Variants in PHEX observed in about 807,000 individuals in gnomAD.
The protein encoded by PHEX is phosphate-regulating neutral endopeptidase PHEX.
A neutral mutation model predicts 68.0 loss-of-function variants in PHEX; 16 were observed. The observed-to-expected ratio is 0.24, with a 90% CI of 0.16 to 0.36. PHEX has a LOEUF of 0.36. PHEX is among the 10% of genes least tolerant of loss of function. The probability of loss-of-function intolerance (pLI) is 1.00; values close to 1 mark genes in which losing one functional copy is unlikely to be tolerated. For missense variants in PHEX, 480 were observed against 575.5 expected (o/e 0.83, Z 1.70); for synonymous variants, 208 against 205.1 (o/e 1.01, Z -0.12).
chrX:22,182,592 TTGTG>T (rs9331474), intron 14 of PHEX, among the ~76,000 whole-genome samples: 4,881 of 102,943 alleles, frequency 0.047, 236 homozygotes, highest in East Asian at 0.19. Context: ...TGAAGATGCT[TTGTG>T]TGTGTGTGTG....
chrX:22,151,058 T>G (rs961398456), intron 12 of PHEX, among the ~76,000 whole-genome samples: 6 of 112,063 alleles, frequency 5.4e-5, no homozygotes, highest in African/African-American at 1.9e-4. Flanking sequence ...TCATCTCTGG[T>G]GTTTTGTCTA....
intron 15 of PHEX, among the ~76,000 whole-genome samples, chrX:22,195,504 A>G (rs1288968860): frequency 9.1e-6 from 1 of 109,986 alleles, no homozygotes; most frequent in Non-Finnish European, 1.9e-5. Context: ...CTGAGGCAGG[A>G]GAATCACTTG....
intron 13 of PHEX, among the ~76,000 whole-genome samples, chrX:22,176,737 C>T (rs1368127486): frequency 1.8e-5 from 2 of 110,795 alleles, no homozygotes; most frequent in East Asian, 5.7e-4. Context: ...CAACAGCATA[C>T]AGTGTTGTTT....
intron 13 of PHEX, among the ~76,000 whole-genome samples, chrX:22,174,202 T>C (rs1419656072): frequency 4.5e-5 from 5 of 112,165 alleles, no homozygotes; most frequent in Non-Finnish European, 7.5e-5. Flanking sequence ...AGAGATGGAA[T>C]TGATTGAAAG....
chrX:22,117,072 G>A (rs1931266499), intron 11 of PHEX, among the ~76,000 whole-genome samples: 2 of 111,794 alleles, frequency 1.8e-5, no homozygotes, highest in Admixed American at 1.9e-4. Flanking sequence ...TCCAGAAGAA[G>A]GTCTTCAAGA....
chrX:22,193,032 T>A (rs1328446527), intron 15 of PHEX, among the ~76,000 whole-genome samples: 1 of 111,491 alleles, frequency 9.0e-6, no homozygotes, highest in Non-Finnish European at 1.9e-5. Context: ...ATATTTTGAA[T>A]GTCACTTCTT....
At chrX:22,173,106 G>T (rs971008505) in intron 13 of PHEX, 1 of 111,213 alleles carries the variant, frequency 9.0e-6, no homozygotes, top group African/African-American at 3.3e-5. Flanking sequence ...ATGCTAGAAT[G>T]CTGCAGAAAA....
intron 20 of PHEX, among the ~76,000 whole-genome samples, chrX:22,244,122 T>C (rs1412021730): frequency 1.8e-5 from 2 of 111,685 alleles, no homozygotes; most frequent in African/African-American, 3.3e-5. Context: ...AATGAGCTCA[T>C]GTTCTTTGCA....
At position 22,079,872 on chromosome X, in the gene PHEX, TA is replaced by T. The variant is rs914278157; in HGVS notation, c.663+2179del. ...AAGAAATAATAGGAAGCTATCTATT[TA>T]AAAAAAAATCCCTAAGGAAAGGATT... On this transcript the variant is annotated intron_variant, in intron 5 of 21. Coordinates refer to ENST00000379374, the MANE Select transcript of PHEX (RefSeq NM_000444.6). 1.7e-3 allele frequency among the ~76,000 whole-genome samples: 185 copies of T among 110,546 alleles called. 1 individual carries two copies. The highest frequency in any genetic ancestry group is 5.6e-3 in the African/African-American group (171 of 30,471).
intron 2 of PHEX, among the ~76,000 whole-genome samples, chrX:22,038,934 C>G (rs767582009): frequency 2.7e-5 from 3 of 111,768 alleles, no homozygotes; most frequent in African/African-American, 9.7e-5. Context: ...AAGCAAGGCT[C>G]CTTTGCAAAT....
intron 12 of PHEX, among the ~76,000 whole-genome samples, chrX:22,139,359 G>A (rs1932360650): frequency 8.9e-6 from 1 of 111,817 alleles, no homozygotes; most frequent in South Asian, 3.7e-4. Flanking sequence ...TGGAGGGGAT[G>A]CATTTCTTTT....
chrX:22,237,515 T>A (rs56296011), intron 20 of PHEX, among the ~76,000 whole-genome samples: 4 of 110,991 alleles, frequency 3.6e-5, no homozygotes, highest in African/African-American at 9.9e-5. Context: ...AGAACCTTCC[T>A]GGTATCTATA....
chrX:22,110,223 A>G (rs1471781620), intron 9 of PHEX, among the ~76,000 whole-genome samples: 1 of 112,237 alleles, frequency 8.9e-6, no homozygotes, highest in African/African-American at 3.2e-5. Context: ...CAATTTTACC[A>G]TAGGCTAATT....
At chrX:22,056,559 G>A (rs761443413) in intron 3 of PHEX, among the ~76,000 whole-genome samples, 1 of 110,019 alleles carries the variant, frequency 9.1e-6, no homozygotes, top group East Asian at 2.8e-4. Context: ...CTAGCACTTT[G>A]GGAGCCTGAG....
intron 20 of PHEX, among the ~76,000 whole-genome samples, chrX:22,242,170 CA>C (rs772979368): frequency 1.8e-5 from 2 of 111,917 alleles, no homozygotes; most frequent in African/African-American, 3.2e-5. Context: ...GAACCAATGA[CA>C]AAAACCACAC....
chrX:22,146,685 C>T lies in PHEX; in HGVS notation c.1404+13061C>T, dbSNP rs1008831384. Among the ~76,000 whole-genome samples the T allele has an allele frequency of 7.2e-5, 8 of 110,422 alleles. No individual in the cohort carries two copies. In the East Asian group the frequency reaches 1.7e-3, roughly 23 times the overall value. Reference sequence around the variant, plus strand: ...TACAAAAATTAGCTGGACGTGTTGGCACGCACCTGTAATCCCAGCTATTTG... The same window carrying T: ...TACAAAAATTAGCTGGACGTGTTGGTACGCACCTGTAATCCCAGCTATTTG... On this transcript the variant is annotated intron_variant, in intron 12 of 21. Transcript: ENST00000379374.
intron 12 of PHEX, among the ~76,000 whole-genome samples, chrX:22,159,191 C>A (rs1050384165): frequency 1.8e-5 from 2 of 113,663 alleles, no homozygotes; most frequent in African/African-American, 6.4e-5. Flanking sequence ...TTACTGTGTA[C>A]TAGCCCCTGT....
intron 11 of PHEX, among the ~76,000 whole-genome samples, chrX:22,115,176 C>G (rs988896521): frequency 1.3e-4 from 15 of 111,127 alleles, no homozygotes; most frequent in Non-Finnish European, 2.8e-4. Context: ...AAAAAAAATA[C>G]AAAATTTATC....
chrX:22,055,347 A>G (rs7062443), intron 3 of PHEX, among the ~76,000 whole-genome samples: 40,881 of 109,507 alleles, frequency 0.37, 6,111 homozygotes, highest in African/African-American at 0.57. Context: ...CACATGTACC[A>G]CATAAATATG....
Sources: gnomAD v4.1 joint callset for allele counts (sites outside exome capture counted in the v4.1 genomes callset) on GRCh38, gnomAD v4.1.1 for gene constraint, MANE v1.5 for transcripts, NCBI Gene and HGNC (gene_info 2026-07-23, HGNC 2026-07-21) for gene names.